The following ZWILCH variants were observed in gnomAD, a reference collection of about 807,000 sequenced individuals.
The protein encoded by ZWILCH is zwilch kinetochore protein.
ZWILCH carries 74 observed loss-of-function variants against 79.9 expected under a neutral mutation model. The observed-to-expected ratio is 0.93, with a 90% CI of 0.77 to 1.12. The LOEUF is 1.12. Ranked by LOEUF, ZWILCH falls within the 50% of genes most tolerant of loss-of-function variation. The probability of loss-of-function intolerance (pLI) is 0.00; values close to 1 mark genes in which losing one functional copy is unlikely to be tolerated. For missense variants in ZWILCH, 694 were observed against 687.5 expected (o/e 1.01, Z -0.11); for synonymous variants, 241 against 228.2 (o/e 1.06, Z -0.51).
At position 66,550,021 on chromosome 15, in the gene ZWILCH, A is replaced by G. The variant is rs556525787; in HGVS notation, c.*1697A>G. The stretch of plus-strand genomic sequence containing the variant: ...TTTAGTTTAATTATTAAAGGAAAAC[A>G]TTGAAATATACTGACTCACCTGCAG... On this transcript the variant is annotated 3_prime_UTR_variant, in exon 19 of 19. Coordinates refer to ENST00000307897, the MANE Select transcript of ZWILCH (RefSeq NM_017975.5). 10 of 1,534,902 alleles carry G rather than the reference A, an allele frequency of 6.5e-6. No individual in the cohort carries two copies. Among genetic ancestry groups the G allele is most frequent in the African/African-American group, 4.2e-5 (3 of 71,836 alleles).
In ZWILCH at chr15:66,520,733, T is replaced by G. The variant is rs946592228; in HGVS notation, c.591+73T>G. 7.4e-5 allele frequency: 73 copies of G among 985,372 alleles called. No individual in the cohort carries two copies. In the African/African-American group the frequency reaches 1.1e-3, roughly 15 times the overall value. 61.0% of individuals were successfully genotyped at this position (985,372 alleles called of 1,614,324 possible). On this transcript the variant is annotated intron_variant, in intron 6 of 18. Coordinates refer to ENST00000307897, the MANE Select transcript of ZWILCH (RefSeq NM_017975.5). ...ACCTGCCTTCCTAGTTTACAGGTTTTTTTTCACTCCTAAGATGACTAGATA... is the reference window on the plus strand; with the variant it reads ...ACCTGCCTTCCTAGTTTACAGGTTTGTTTTCACTCCTAAGATGACTAGATA...
chr15:66,507,812 A>G (rs1893883961), intron 1 of ZWILCH, among the ~76,000 whole-genome samples: 2 of 152,122 alleles, frequency 1.3e-5, no homozygotes, highest in Non-Finnish European at 2.9e-5. Flanking sequence ...AGGCTCCTGT[A>G]GTCCTAGCTA....
intron 17 of ZWILCH, among the ~76,000 whole-genome samples, chr15:66,544,603 G>A (rs1179001159): frequency 4.0e-5 from 6 of 151,816 alleles, no homozygotes; most frequent in African/African-American, 7.3e-5. Flanking sequence ...GCCTCCCAAA[G>A]CCCTAGGATT....
At chr15:66,511,401 G>A (rs1894058227) in intron 2 of ZWILCH, among the ~76,000 whole-genome samples, 1 of 151,516 alleles carries the variant, frequency 6.6e-6, no homozygotes, top group African/African-American at 2.4e-5. Context: ...GCCTCAGCTG[G>A]AGGATTGCTT....
rs1027589133 is a variant in ZWILCH, at chr15:66,525,486, A to G, written c.819+1738A>G. ...TACCTTGCTACCCTTCCCCCCATACATATACAATTCTTTTCCTCCTTTGAA... is the reference window on the plus strand; with the variant it reads ...TACCTTGCTACCCTTCCCCCCATACGTATACAATTCTTTTCCTCCTTTGAA... On this transcript the variant is annotated intron_variant, in intron 8 of 18. Transcript: ENST00000307897. Among the ~76,000 whole-genome samples the G allele has an allele frequency of 2.6e-5, 4 of 152,136 alleles. No homozygotes were observed. The East Asian group carries it at 7.7e-4, about 29-fold the overall frequency.
intron 17 of ZWILCH, among the ~76,000 whole-genome samples, chr15:66,540,834 G>A (rs757190659): frequency 4.2e-4 from 63 of 150,558 alleles, no homozygotes; most frequent in Non-Finnish European, 6.2e-4. Context: ...TTACCATGTT[G>A]GCCAGGCTGG....
At chr15:66,512,154 C>G (rs1894091018) in intron 2 of ZWILCH, among the ~76,000 whole-genome samples, 9 of 151,894 alleles carry the variant, frequency 5.9e-5, no homozygotes, top group Admixed American at 5.9e-4. Context: ...TACTAGACTG[C>G]CAAAGAACAT....
chr15:66,533,030 A>T lies in ZWILCH; in HGVS notation c.1341+17A>T. The T allele has an allele frequency of 6.4e-7, 1 of 1,562,696 alleles. No individual in the cohort carries two copies. The highest frequency in any genetic ancestry group is 1.4e-5 in the African/African-American group (1 of 73,698). On this transcript the variant is annotated intron_variant, in intron 14 of 18. Transcript: ENST00000307897. The stretch of plus-strand genomic sequence containing the variant: ...AATCATTTGGTGAGTTTATTTTTTT[A>T]TTCTAAAATTGGTTTTTCTTTTATT...
At chr15:66,536,127 A>C in intron 15 of ZWILCH, 58 bp downstream of exon 15, 1 of 1,445,436 alleles carries the variant, frequency 6.9e-7, no homozygotes, top group South Asian at 1.4e-5. Flanking sequence ...AAATAGTTAC[A>C]GCCTAAATAT....
rs539853057 is a variant in ZWILCH at position 66,520,253 on chromosome 15, T to C, written c.521-337T>C. Among the ~76,000 whole-genome samples, 3 of 151,894 alleles carry C rather than the reference T, an allele frequency of 2.0e-5. No individual in the cohort carries two copies. The South Asian group carries it at 6.3e-4, about 32-fold the overall frequency. ...CTCTCACCGCAGCCTCCCAAATAGC[T>C]GGGACTACAGGCACATGCCACCACA... On this transcript the variant is annotated intron_variant, in intron 5 of 18. Transcript: ENST00000307897.
At chr15:66,508,225 G>C (rs1893901848) in intron 1 of ZWILCH, among the ~76,000 whole-genome samples, 1 of 152,114 alleles carries the variant, frequency 6.6e-6, no homozygotes, top group Admixed American at 6.5e-5. Flanking sequence ...CAGTTTAAGT[G>C]CTTTAGATTC....
rs1192592489 is a variant in ZWILCH at position 66,544,771 on chromosome 15, C to G, written c.1688-1820C>G. On this transcript the variant is annotated intron_variant, in intron 17 of 18. Coordinates refer to ENST00000307897, the MANE Select transcript of ZWILCH (RefSeq NM_017975.5). ...GTGTGTGTGTGTGTTTGAGATGGAG[C>G]CTTGCTCTGTCACCCAGGCTAGAGT... Among the ~76,000 whole-genome samples, 2 of 69,584 alleles carry G rather than the reference C, an allele frequency of 2.9e-5. 1 individual carries two copies. The highest frequency in any genetic ancestry group is 8.5e-4 in the South Asian group (2 of 2,358). The allele number at this position is 69,584 out of a possible 152,430, so 45.6% of individuals were successfully genotyped here.
intron 11 of ZWILCH, 51 bp from the exon 12 acceptor site, chr15:66,529,443 T>C (rs1280656289): frequency 7.8e-7 from 1 of 1,274,232 alleles, no homozygotes; most frequent in East Asian, 2.3e-5. Context: ...ATGATATATT[T>C]GATCTGTAGA....
intron 11 of ZWILCH, 95 bp downstream of exon 11, chr15:66,529,052 G>C: frequency 1.1e-6 from 1 of 926,940 alleles, no homozygotes; most frequent in Non-Finnish European, 1.7e-6. Context: ...CTAGTTTTGT[G>C]GGGAAGTCTG....
rs1426465060 is a variant in ZWILCH at position 66,532,998 on chromosome 15, AT to A, written c.1327del (p.Ser443LeufsTer2). On this transcript the variant is annotated frameshift_variant, in exon 14 of 19. Transcript: ENST00000307897. LOFTEE classifies it high-confidence loss of function. ...ISFFIGQELA[S>X]LNHLEYFIAP... is the part of the protein sequence containing the mutation. ...TTTTCTTAATAGGTCAGGAACTTGCATCTTTGAATCATTTGGTGAGTTTATT... is the reference window on the plus strand; with the variant it reads ...TTTTCTTAATAGGTCAGGAACTTGCACTTTGAATCATTTGGTGAGTTTATT... 2 of 1,578,084 alleles carry A rather than the reference AT, an allele frequency of 1.3e-6. No homozygotes were observed. The highest frequency in any genetic ancestry group is 1.3e-5 in the African/African-American group (1 of 74,140).
chr15:66,508,688 C>CT, intron 1 of ZWILCH, 153 bp from the exon 2 acceptor site: 3 of 1,361,378 alleles, frequency 2.2e-6, no homozygotes, highest in Non-Finnish European at 2.9e-6. Context: ...CTTTTTTTCT[C>CT]TCTCTGCAAC....
At chr15:66,511,580 C>G (rs904261365) in intron 2 of ZWILCH, among the ~76,000 whole-genome samples, 5 of 151,544 alleles carry the variant, frequency 3.3e-5, no homozygotes, top group Non-Finnish European at 5.9e-5. Context: ...TTATGTTTCA[C>G]TGTGAGATGG....
intron 4 of ZWILCH, among the ~76,000 whole-genome samples, chr15:66,517,430 G>GTGTGTGTGTGTGTGTGTGTATA: frequency 1.1e-4 from 7 of 66,516 alleles, no homozygotes; most frequent in Admixed American, 1.7e-4. Context: ...GTGTGTGTGT[G>GTGTGTGTGTGTGTGTGTGTATA]TATATATATA....
chr15:66,514,483 G>C (rs1191338997), intron 3 of ZWILCH: 2 of 156,292 alleles, frequency 1.3e-5, no homozygotes, highest in Non-Finnish European at 2.8e-5. Context: ...TTTTTTGTGT[G>C]TATTTTTAGT....
Sources: gnomAD v4.1 joint callset for allele counts (sites outside exome capture counted in the v4.1 genomes callset) on GRCh38, gnomAD v4.1.1 for gene constraint, MANE v1.5 for transcripts, NCBI Gene and HGNC (gene_info 2026-07-23, HGNC 2026-07-21) for gene names.